Variants in DLGAP2 observed in about 807,000 individuals in gnomAD.
DLGAP2 encodes the protein disks large-associated protein 2.
In DLGAP2, 26 loss-of-function variants were observed where a neutral mutation model predicts 100.3. The observed-to-expected ratio is 0.26, with a 90% CI of 0.19 to 0.36. The LOEUF is 0.36. DLGAP2 is among the 10% of genes least tolerant of loss of function. DLGAP2 has a pLI of 1.00. For missense variants in DLGAP2, 1,858 were observed against 1,453.2 expected (o/e 1.28, Z -4.53); for synonymous variants, 886 against 630.1 (o/e 1.41, Z -6.08).
At chr8:792,732 T>G (rs1227379441) in intron 1 of DLGAP2, among the ~76,000 whole-genome samples, 1 of 152,242 alleles carries the variant, frequency 6.6e-6, no homozygotes, top group Non-Finnish European at 1.5e-5. Flanking sequence ...TTGGTATCTG[T>G]CTGATAGGAG....
At chr8:1,127,079 G>A (rs1013451980) in intron 2 of DLGAP2, among the ~76,000 whole-genome samples, 1 of 144,780 alleles carries the variant, frequency 6.9e-6, no homozygotes, top group South Asian at 2.2e-4. Context: ...GCTCATGAGG[G>A]ACCCCCACCC....
intron 2 of DLGAP2, among the ~76,000 whole-genome samples, chr8:975,907 A>G (rs551980508): frequency 1.4e-5 from 2 of 144,450 alleles, no homozygotes; most frequent in African/African-American, 5.1e-5. Context: ...GACGGGAGAA[A>G]TAAACCTATT....
At chr8:1,577,852 G>T (rs1393064397) in intron 6 of DLGAP2, among the ~76,000 whole-genome samples, 4 of 152,156 alleles carry the variant, frequency 2.6e-5, no homozygotes, top group Admixed American at 6.5e-5. Flanking sequence ...TCCTCAACCT[G>T]CCCCTGGCCC....
intron 3 of DLGAP2, among the ~76,000 whole-genome samples, chr8:1,289,518 G>T (rs1800013162): frequency 6.6e-6 from 1 of 152,232 alleles, no homozygotes; most frequent in Non-Finnish European, 1.5e-5. Flanking sequence ...GGATAGAGCT[G>T]TAAAAGCTCA....
At chr8:1,230,436 C>A (rs1165009823) in intron 2 of DLGAP2, among the ~76,000 whole-genome samples, 2 of 152,080 alleles carry the variant, frequency 1.3e-5, no homozygotes, top group African/African-American at 4.8e-5. Context: ...CTGTACTGCC[C>A]AAAGCGATCT....
chr8:1,253,967 G>C (rs1220296691), intron 2 of DLGAP2, among the ~76,000 whole-genome samples: 1 of 152,222 alleles, frequency 6.6e-6, no homozygotes, highest in African/African-American at 2.4e-5. Context: ...TGAATCTGTG[G>C]TCAGTTTTGA....
At chr8:836,604 G>T (rs2132709315) in intron 1 of DLGAP2, among the ~76,000 whole-genome samples, 1 of 152,330 alleles carries the variant, frequency 6.6e-6, no homozygotes, top group Admixed American at 6.5e-5. Context: ...CCGAGCTGGA[G>T]AACGCGGCCT....
At chr8:774,319 G>C (rs1019295180) in intron 1 of DLGAP2, among the ~76,000 whole-genome samples, 6 of 152,188 alleles carry the variant, frequency 3.9e-5, no homozygotes, top group African/African-American at 1.4e-4. Flanking sequence ...TCTGATGGTA[G>C]TTTCTTTTGC....
intron 3 of DLGAP2, among the ~76,000 whole-genome samples, chr8:1,314,363 C>A (rs535487068): frequency 8.5e-5 from 13 of 152,192 alleles, no homozygotes; most frequent in Non-Finnish European, 1.9e-4. Flanking sequence ...TCGCACTGTT[C>A]ACCTTGGAAG....
chr8:1,211,542 A>T (rs1798104216), intron 2 of DLGAP2, among the ~76,000 whole-genome samples: 1 of 152,250 alleles, frequency 6.6e-6, no homozygotes. Flanking sequence ...TAAACAGCTT[A>T]TGTGAGGTGT....
At chr8:980,148 C>G (rs1800287187) in intron 2 of DLGAP2, among the ~76,000 whole-genome samples, 1 of 152,156 alleles carries the variant, frequency 6.6e-6, no homozygotes, top group African/African-American at 2.4e-5. Flanking sequence ...AAGAGGAGAC[C>G]TCTCAGGAGA....
intron 3 of DLGAP2, among the ~76,000 whole-genome samples, chr8:1,344,086 A>T (rs181243054): frequency 4.9e-4 from 73 of 149,490 alleles, no homozygotes; most frequent in Non-Finnish European, 8.4e-4. Context: ...CAAATGTCGT[A>T]CTCGGGGCCC....
At chr8:1,619,079 A>G (rs1486525451) in intron 6 of DLGAP2, among the ~76,000 whole-genome samples, 2 of 152,224 alleles carry the variant, frequency 1.3e-5, no homozygotes, top group Non-Finnish European at 2.9e-5. Context: ...AAGGCAAGCC[A>G]TAGAATAAGG....
At chr8:1,576,348 T>A (rs1377102777) in intron 6 of DLGAP2, among the ~76,000 whole-genome samples, 3 of 152,186 alleles carry the variant, frequency 2.0e-5, no homozygotes, top group South Asian at 2.1e-4. Flanking sequence ...ATTTGAGTTC[T>A]TTGTAGATTC....
intron 2 of DLGAP2, among the ~76,000 whole-genome samples, chr8:1,066,002 G>C (rs1333080365): frequency 1.3e-5 from 2 of 152,258 alleles, no homozygotes; most frequent in African/African-American, 4.8e-5. Flanking sequence ...CCACGTCGTG[G>C]TGGTGTCCAG....
chr8:1,156,660 G>A lies in DLGAP2; in HGVS notation c.74-102191G>A, dbSNP rs376335555. On this transcript the variant is annotated intron_variant, in intron 2 of 14. Transcript: ENST00000637795. Reference sequence around the variant, plus strand: ...CCCCGGCTCAGCGCCCCAGCCCAGCGCCCCAGCTTAGCGTCCCAGCCCAGC... The same window carrying A: ...CCCCGGCTCAGCGCCCCAGCCCAGCACCCCAGCTTAGCGTCCCAGCCCAGC... Among the ~76,000 whole-genome samples, 7 of 150,036 alleles carry A rather than the reference G, an allele frequency of 4.7e-5. No individual in the cohort carries two copies. The East Asian group carries it at 1.2e-3, about 25-fold the overall frequency.
chr8:985,213 C>A (rs189997156), intron 2 of DLGAP2, among the ~76,000 whole-genome samples: 28 of 152,276 alleles, frequency 1.8e-4, no homozygotes, highest in Middle Eastern at 3.4e-3. Context: ...GGAAATGAGT[C>A]AAGATACAAG....
At chr8:1,229,992 T>A (rs1563266495) in intron 2 of DLGAP2, among the ~76,000 whole-genome samples, 1 of 152,140 alleles carries the variant, frequency 6.6e-6, no homozygotes, top group African/African-American at 2.4e-5. Context: ...ACCACTCCTA[T>A]TCAACATAGT....
chr8:1,605,397 A>T lies in DLGAP2; in HGVS notation c.1443-21343A>T, dbSNP rs116345810. ...GTGCCTCTGAGATGCTTGAGAAGCA[A>T]AGTGGTCTCCATATTCCCCTGACGT... On this transcript the variant is annotated intron_variant, in intron 6 of 14. Coordinates refer to ENST00000637795, the MANE Select transcript of DLGAP2 (RefSeq NM_001346810.2). Among the ~76,000 whole-genome samples the T allele has an allele frequency of 3.1e-3, 475 of 152,232 alleles. 5 individuals are homozygous for T. The highest frequency in any genetic ancestry group is 0.011 in the African/African-American group (443 of 41,548).
Sources: allele counts gnomAD v4.1 joint callset (sites outside exome capture counted in the v4.1 genomes callset), GRCh38; gene constraint gnomAD v4.1.1; transcripts MANE v1.5; gene names NCBI Gene and HGNC (gene_info 2026-07-23, HGNC 2026-07-21).